Variants in TRPV2 observed in about 807,000 individuals in gnomAD.
TRPV2 encodes the protein transient receptor potential cation channel subfamily V member 2.
TRPV2 carries 58 observed loss-of-function variants against 91.0 expected under a neutral mutation model. The observed-to-expected ratio is 0.64, with a 90% CI of 0.52 to 0.79. The LOEUF (loss-of-function observed/expected upper bound fraction) is 0.79. Among genes scored for constraint, TRPV2 ranks in the 30% least tolerant of loss-of-function variants. The probability of loss-of-function intolerance (pLI) is 0.00; values close to 1 mark genes in which losing one functional copy is unlikely to be tolerated. For missense variants in TRPV2, 807 were observed against 969.6 expected (o/e 0.83, Z 2.23); for synonymous variants, 417 against 414.8 (o/e 1.01, Z -0.06).
At chr17:16,417,899 G>A in intron 2 of TRPV2, 31 bp downstream of exon 2, 2 of 1,601,498 alleles carry the variant, frequency 1.2e-6, no homozygotes, top group Non-Finnish European at 1.7e-6. Flanking sequence ...AGGGCAAAGG[G>A]GGCCCCCTGC....
chr17:16,416,818 G>A (rs940664077), intron 1 of TRPV2: 1 of 152,218 alleles, frequency 6.6e-6, no homozygotes. Flanking sequence ...TGAAGGGTTT[G>A]ATAGTCTAGT....
chr17:16,433,017 C>G (rs2093420511), intron 12 of TRPV2, among the ~76,000 whole-genome samples: 1 of 152,156 alleles, frequency 6.6e-6, no homozygotes. Flanking sequence ...GTTGGTCAAG[C>G]TGGTCTTGAA....
chr17:16,426,717 C>A lies in TRPV2; in HGVS notation c.1096-5C>A, dbSNP rs1240611321. On this transcript the variant is annotated splice_region_variant and splice_polypyrimidine_tract_variant and intron_variant, in intron 6 of 14. Coordinates refer to ENST00000338560, the MANE Select transcript of TRPV2 (RefSeq NM_016113.5). The surrounding 1 kb of genome is among the most constrained non-coding windows in gnomAD (Gnocchi z 6.0). ...GTACCCATGGCTCTCCCCTCCCCAC[C>A]CCAGCACCGACACCGAATGGTCGTT... The A allele has an allele frequency of 6.2e-7, 1 of 1,611,950 alleles. No homozygotes were observed. Among genetic ancestry groups the A allele is most frequent in the Non-Finnish European group, 8.5e-7 (1 of 1,178,896 alleles).
chr17:16,421,725 T>C lies in TRPV2; in HGVS notation c.335-874T>C, dbSNP rs576049931. The stretch of plus-strand genomic sequence containing the variant: ...TTAGTAAAGATGGGATTTCACCATG[T>C]TGGTCAGGCTGGTCTGGAACTCGAC... On this transcript the variant is annotated intron_variant, in intron 3 of 14. Coordinates refer to ENST00000338560, the MANE Select transcript of TRPV2 (RefSeq NM_016113.5). Among the ~76,000 whole-genome samples, 3 of 150,238 alleles carry C rather than the reference T, an allele frequency of 2.0e-5. No individual in the cohort carries two copies. The East Asian group carries it at 6.1e-4, about 30-fold the overall frequency.
In TRPV2 at chr17:16,435,841, C is replaced by T. The variant is rs1445871398; in HGVS notation, c.2194+872C>T. ...CTCCTGGGCCGTGACCACTGCCTCA[C>T]ATACAGATAGGTTTCCCTTCACCTT... On this transcript the variant is annotated intron_variant, in intron 14 of 14. Transcript: ENST00000338560. The surrounding 1 kb of genome is among the most constrained non-coding windows in gnomAD (Gnocchi z 4.2). 6.6e-6 allele frequency among the ~76,000 whole-genome samples: 1 copy of T among 152,166 alleles called. No homozygotes were observed. Among genetic ancestry groups the T allele is most frequent in the Non-Finnish European group, 1.5e-5 (1 of 68,026 alleles).
At chr17:16,420,360 C>A in intron 3 of TRPV2, 112 bp downstream of exon 3, 2 of 1,328,086 alleles carry the variant, frequency 1.5e-6, no homozygotes, top group Non-Finnish European at 2.1e-6. Flanking sequence ...TCTCAGCAGC[C>A]CTCCCACTGG....
At chr17:16,425,022 A>T (rs377452938) in intron 5 of TRPV2, among the ~76,000 whole-genome samples, 130 of 115,928 alleles carry the variant, frequency 1.1e-3, no homozygotes, top group Admixed American at 4.9e-3. Context: ...TTGCAGCTGC[A>T]TTTTTTTTTT....
intron 10 of TRPV2, among the ~76,000 whole-genome samples, chr17:16,431,135 T>C (rs2093407978): frequency 6.7e-6 from 1 of 150,044 alleles, no homozygotes; most frequent in Non-Finnish European, 1.5e-5. Flanking sequence ...CATTGCCGCC[T>C]TGACATTCTG....
In TRPV2 at chr17:16,436,859, T is replaced by C; in HGVS notation, c.2265T>C (p.Tyr755=). 1.2e-6 allele frequency: 2 copies of C among 1,614,134 alleles called. No homozygotes were observed. Among genetic ancestry groups the C allele is most frequent in the Non-Finnish European group, 1.7e-6 (2 of 1,179,992 alleles). Residue 755 remains tyrosine (Y), a synonymous_variant, in exon 15 of 15, where the codon TAT becomes TAC. Coordinates refer to ENST00000338560, the MANE Select transcript of TRPV2 (RefSeq NM_016113.5). ...EDEDGASEEN[Y]VPVQLLQSN is the part of the protein sequence containing the mutation. ...AGGATGGTGCCTCTGAGGAAAACTA[T>C]GTGCCCGTCCAGCTCCTCCAGTCCA...
chr17:16,427,790 C>A (rs1188770883), intron 8 of TRPV2, among the ~76,000 whole-genome samples: 2 of 152,214 alleles, frequency 1.3e-5, no homozygotes, highest in Non-Finnish European at 2.9e-5. Context: ...GCAGTACAGA[C>A]TCTGCTCCCC....
Position 16,428,913 on chromosome 17 carries a change from C to T in TRPV2, c.1518C>T (p.Gly506=), listed in dbSNP as rs779044698. 1 of 1,614,196 alleles carries T rather than the reference C, an allele frequency of 6.2e-7. No individual in the cohort carries two copies. The highest frequency in any genetic ancestry group is 8.5e-7 in the Non-Finnish European group (1 of 1,180,044). The change falls in exon 10 of 15, where the codon GGC becomes GGT. Residue 506 remains glycine (G), a synonymous_variant. Coordinates refer to ENST00000338560, the MANE Select transcript of TRPV2 (RefSeq NM_016113.5). ...TGCTTGTGTCTGCGCTGGTGCTGGG[C>T]TGGCTGAACCTGCTTTACTATACAC... ...LPLLVSALVL[G]WLNLLYYTRG... is the part of the protein sequence containing the mutation.
rs573701197 is a variant in TRPV2, at chr17:16,426,377, G to A, written c.1095+108G>A. On this transcript the variant is annotated intron_variant, in intron 6 of 14. Coordinates refer to ENST00000338560, the MANE Select transcript of TRPV2 (RefSeq NM_016113.5). The surrounding 1 kb of genome is among the most constrained non-coding windows in gnomAD (Gnocchi z 6.0). ...CCATATCTGCCCCATTCCTGTGCCAGTGGGGGTGTGGCTGCATGTCCCAGC... is the reference window on the plus strand; with the variant it reads ...CCATATCTGCCCCATTCCTGTGCCAATGGGGGTGTGGCTGCATGTCCCAGC... The A allele has an allele frequency of 2.2e-6, 3 of 1,357,606 alleles. No homozygotes were observed. Among genetic ancestry groups the A allele is most frequent in the East Asian group, 2.5e-5 (1 of 40,054 alleles). 84.1% of individuals were successfully genotyped at this position (1,357,606 alleles called of 1,614,324 possible). A position where few individuals can be genotyped will look rare whatever the true frequency, so the allele number is the denominator to read the frequency against.
chr17:16,419,073 C>T (rs1256597994), intron 2 of TRPV2, among the ~76,000 whole-genome samples: 2 of 152,020 alleles, frequency 1.3e-5, no homozygotes, highest in Non-Finnish European at 2.9e-5. Flanking sequence ...CACCTTGTCA[C>T]CAACCTTTAC....
chr17:16,427,351 C>A, intron 7 of TRPV2, 98 bp from the exon 8 acceptor site: 1 of 1,181,876 alleles, frequency 8.5e-7, no homozygotes, highest in South Asian at 1.5e-5. Flanking sequence ...AGCCTCTCCA[C>A]AGCTCAGGCT....
chr17:16,420,227 C>A lies in TRPV2; in HGVS notation c.313C>A (p.Leu105Ile). ...PEYLSKTSKY[L>I]TDSEYTEGST... ...GTACCTGAGCAAGACCAGCAAGTAC[C>A]TCACCGACTCGGAATACACAGGTAG... Residue 105 changes from leucine to isoleucine, a missense_variant, in exon 3 of 15, where the codon CTC becomes ATC. Physicochemically the swap from Leu to Ile is conservative, Grantham distance 5. Transcript: ENST00000338560. The A allele has an allele frequency of 6.2e-7, 1 of 1,613,938 alleles. No homozygotes were observed. The highest frequency in any genetic ancestry group is 8.5e-7 in the Non-Finnish European group (1 of 1,179,800).
chr17:16,434,467 C>CAAAAA (rs10634588), intron 13 of TRPV2, among the ~76,000 whole-genome samples: 1 of 109,726 alleles, frequency 9.1e-6, no homozygotes, highest in Non-Finnish European at 1.8e-5. Flanking sequence ...GACTCCATCT[C>CAAAAA]AAAAAAAAAA....
At position 16,436,730 on chromosome 17, in the gene TRPV2, G is replaced by T. The variant is rs1384448321; in HGVS notation, c.2195-59G>T. On this transcript the variant is annotated intron_variant, in intron 14 of 14. Transcript: ENST00000338560. ...ATGACTGTGGCCCCGTTTCCCTGGT[G>T]CCTGCTTCCTGGGGACACACTCAAG... is the stretch of plus-strand genomic sequence containing the variant. 29 of 1,269,224 alleles carry T rather than the reference G, an allele frequency of 2.3e-5. 1 individual carries two copies. The South Asian group carries it at 3.0e-4, about 13-fold the overall frequency. The allele number at this position is 1,269,224 out of a possible 1,614,324, so 78.6% of individuals were successfully genotyped here.
chr17:16,420,769 C>G lies in TRPV2; in HGVS notation c.334+521C>G, dbSNP rs867884515. Among the ~76,000 whole-genome samples, 23 of 152,176 alleles carry G rather than the reference C, an allele frequency of 1.5e-4. No homozygotes were observed. The Middle Eastern group carries it at 0.01, about 68-fold the overall frequency. Reference sequence around the variant, plus strand: ...TTGTTTGAGAATGCATCTGTTCAGACTTTCTTTCTTTCTTCTTTTTTATTT... The same window carrying G: ...TTGTTTGAGAATGCATCTGTTCAGAGTTTCTTTCTTTCTTCTTTTTTATTT... On this transcript the variant is annotated intron_variant, in intron 3 of 14. Transcript: ENST00000338560.
chr17:16,427,340 G>A (rs1442105614), intron 7 of TRPV2, 109 bp from the exon 8 acceptor site: 12 of 1,020,072 alleles, frequency 1.2e-5, no homozygotes, highest in Non-Finnish European at 1.5e-5. Flanking sequence ...CCGTTCTGAG[G>A]AGCCTCTCCA....
Sources: allele counts gnomAD v4.1 joint callset (sites outside exome capture counted in the v4.1 genomes callset), GRCh38; gene constraint gnomAD v4.1.1; non-coding constraint Gnocchi (gnomAD v3.1); transcripts MANE v1.5; gene names NCBI Gene and HGNC (gene_info 2026-07-23, HGNC 2026-07-21).